The following SDHAF4 variants were observed in gnomAD, a reference collection of about 807,000 sequenced individuals.
SDHAF4 encodes succinate dehydrogenase complex assembly factor 4, also known as succinate dehydrogenase assembly factor 4, mitochondrial.
SDHAF4 carries 14 observed loss-of-function variants against 14.3 expected under a neutral mutation model. The observed-to-expected ratio is 0.98, with a 90% CI of 0.65 to 1.53. The LOEUF (loss-of-function observed/expected upper bound fraction) is 1.53, where lower values mean the gene tolerates loss of function less well. Among genes scored for constraint, SDHAF4 ranks in the 40% most tolerant of loss-of-function variants. SDHAF4 has a pLI of 0.00. For synonymous variants in SDHAF4, 63 were observed against 47.3 expected (o/e 1.33, Z -1.36); for missense variants, 141 against 129.3 (o/e 1.09, Z -0.44).
chr6:70,575,353 G>C (rs913904013), intron 1 of SDHAF4, among the ~76,000 whole-genome samples: 1 of 151,896 alleles, frequency 6.6e-6, no homozygotes, highest in Non-Finnish European at 1.5e-5. Context: ...ACTCCAGCCT[G>C]GGGGACAGAG....
chr6:70,578,151 C>A (rs1328972776), intron 1 of SDHAF4, among the ~76,000 whole-genome samples: 4 of 152,232 alleles, frequency 2.6e-5, no homozygotes, highest in Non-Finnish European at 4.4e-5. Flanking sequence ...AATCTCCAAA[C>A]TGTTTTCCAC....
At chr6:70,575,534 C>T (rs766738632) in intron 1 of SDHAF4, among the ~76,000 whole-genome samples, 1 of 149,034 alleles carries the variant, frequency 6.7e-6, no homozygotes, top group Non-Finnish European at 1.5e-5. Flanking sequence ...GTGTTCACCT[C>T]ACTGGACTGT....
rs1453458451 is a variant in SDHAF4, at chr6:70,579,411, T to C, written c.65-3T>C. ...TATTTTTCTATTATCTCCACTCTTCTAGGATCACCCCTTCTGTGTCATTCT... is the reference window on the plus strand; with the variant it reads ...TATTTTTCTATTATCTCCACTCTTCCAGGATCACCCCTTCTGTGTCATTCT... On this transcript the variant is annotated splice_polypyrimidine_tract_variant and splice_region_variant and intron_variant, in intron 1 of 2. Coordinates refer to ENST00000370474, the MANE Select transcript of SDHAF4 (RefSeq NM_145267.3). 29 of 1,577,896 alleles carry C rather than the reference T, an allele frequency of 1.8e-5. No individual in the cohort carries two copies. Among genetic ancestry groups the C allele is most frequent in the Non-Finnish European group, 2.5e-5 (29 of 1,162,606 alleles).
In SDHAF4 at chr6:70,574,329, G is replaced by GAAA. The variant is rs113017217; in HGVS notation, c.65-5075_65-5073dup. ...AGCAAGCCTCCATCTCAAAAAAAAA[G>GAAA]AAAAAAAAAAAAGATGCTTAGGGAT... On this transcript the variant is annotated intron_variant, in intron 1 of 2. Coordinates refer to ENST00000370474, the MANE Select transcript of SDHAF4 (RefSeq NM_145267.3). Among the ~76,000 whole-genome samples, 246 of 143,748 alleles carry GAAA rather than the reference G, an allele frequency of 1.7e-3. 1 individual carries two copies. Among genetic ancestry groups the GAAA allele is most frequent in the Non-Finnish European group, 3.2e-3 (208 of 64,796 alleles). The allele number at this position is 143,748 out of a possible 152,430, so 94.3% of individuals were successfully genotyped here. A position where few individuals can be genotyped will look rare whatever the true frequency, so the allele number is the denominator to read the frequency against.
At chr6:70,597,299 A>ATTTTTTT in the SDHAF4 span, among the ~76,000 whole-genome samples, 640 of 108,026 alleles carry the variant, frequency 5.9e-3, 13 homozygotes, top group Non-Finnish European at 7.4e-3. Flanking sequence ...CGCCTGGCTA[A>ATTTTTTT]TTTTTTTTTT....
At chr6:70,574,808 G>A (rs777511199) in intron 1 of SDHAF4, among the ~76,000 whole-genome samples, 3 of 152,032 alleles carry the variant, frequency 2.0e-5, no homozygotes, top group Non-Finnish European at 4.4e-5. Flanking sequence ...TGTGGCTGTA[G>A]TCCCAGCTGC....
downstream of SDHAF4, among the ~76,000 whole-genome samples, chr6:70,590,103 TG>T (rs1765245473): frequency 6.6e-6 from 1 of 152,130 alleles, no homozygotes; most frequent in Admixed American, 6.5e-5. Flanking sequence ...CTGGGCGTGG[TG>T]GTGCAGGCCT....
intron 2 of SDHAF4, among the ~76,000 whole-genome samples, chr6:70,581,014 C>T (rs1802314539): frequency 1.3e-5 from 2 of 152,098 alleles, no homozygotes; most frequent in African/African-American, 4.8e-5. Flanking sequence ...TCACTGCAAC[C>T]TCCGCCTCCC....
Position 70,588,755 on chromosome 6 carries a change from T to C in SDHAF4, c.*31T>C, listed in dbSNP as rs764858149. 1 of 1,233,324 alleles carries C rather than the reference T, an allele frequency of 8.1e-7. No homozygotes were observed. The highest frequency in any genetic ancestry group is 2.3e-5 in the East Asian group (1 of 42,902). The allele number at this position is 1,233,324 out of a possible 1,614,324, so 76.4% of individuals were successfully genotyped here. A position where few individuals can be genotyped will look rare whatever the true frequency, so the allele number is the denominator to read the frequency against. On this transcript the variant is annotated 3_prime_UTR_variant, in exon 3 of 3. Transcript: ENST00000370474. ...ATATTCTTTAACTTCAATATTGTTT[T>C]CTGAATATGTACATCTGAATTAACT...
chr6:70,597,439 G>A, the SDHAF4 span, among the ~76,000 whole-genome samples: 11 of 151,528 alleles, frequency 7.3e-5, no homozygotes, highest in Admixed American at 4.0e-4. Context: ...ATGAGGCACC[G>A]CATCAGGCCA....
the SDHAF4 span, chr6:70,596,627 T>A: frequency 6.6e-6 from 1 of 152,244 alleles, no homozygotes; most frequent in African/African-American, 2.4e-5. Flanking sequence ...GTAATCATAG[T>A]TTAAACACTT....
At chr6:70,587,972 T>A (rs1336571429) in intron 2 of SDHAF4, among the ~76,000 whole-genome samples, 1 of 152,240 alleles carries the variant, frequency 6.6e-6, no homozygotes, top group East Asian at 1.9e-4. Context: ...ACCCTTTACA[T>A]GTATTACCTT....
intron 2 of SDHAF4, among the ~76,000 whole-genome samples, chr6:70,581,260 A>G (rs758780811): frequency 3.3e-5 from 5 of 152,036 alleles, no homozygotes; most frequent in Non-Finnish European, 7.4e-5. Context: ...CAAATTGTAC[A>G]CTTACAAATG....
At position 70,569,728 on chromosome 6, in the gene SDHAF4, CAG is replaced by C. The variant is rs200734186; in HGVS notation, c.64+2726_64+2727del. The stretch of plus-strand genomic sequence containing the variant: ...TCAATATAAAAGGTATCTTAATAAA[CAG>C]ATGTTTATAATTTTATCTATAAAAT... On this transcript the variant is annotated intron_variant, in intron 1 of 2. Transcript: ENST00000370474. Among the ~76,000 whole-genome samples the C allele has an allele frequency of 4.6e-3, 708 of 152,266 alleles. 12 individuals carry two copies. Among genetic ancestry groups the C allele is most frequent in the East Asian group, 0.032 (168 of 5,178 alleles).
At chr6:70,581,765 G>A (rs1004465267) in intron 2 of SDHAF4, among the ~76,000 whole-genome samples, 2 of 152,038 alleles carry the variant, frequency 1.3e-5, no homozygotes, top group African/African-American at 4.8e-5. Flanking sequence ...ATACCACCAT[G>A]CTCACCTAAT....
At chr6:70,585,280 C>G (rs150898708) in intron 2 of SDHAF4, among the ~76,000 whole-genome samples, 232 of 152,316 alleles carry the variant, frequency 1.5e-3, no homozygotes, top group African/African-American at 5.1e-3. Flanking sequence ...TTTGTTAAAA[C>G]TCACTGAACT....
chr6:70,576,934 A>ACAGGTTTGGAGGT (rs1418573074), intron 1 of SDHAF4, among the ~76,000 whole-genome samples: 2 of 152,226 alleles, frequency 1.3e-5, no homozygotes, highest in Admixed American at 6.5e-5. Context: ...AACACATTTT[A>ACAGGTTTGGAGGT]CAGGTTTGGA....
At chr6:70,598,327 T>A in the SDHAF4 span, among the ~76,000 whole-genome samples, 1 of 152,094 alleles carries the variant, frequency 6.6e-6, no homozygotes, top group Non-Finnish European at 1.5e-5. Flanking sequence ...TGCAGTGAGC[T>A]GAGGTGGAGC....
At chr6:70,571,537 A>G (rs1802177942) in intron 1 of SDHAF4, among the ~76,000 whole-genome samples, 1 of 152,074 alleles carries the variant, frequency 6.6e-6, no homozygotes, top group Admixed American at 6.6e-5. Flanking sequence ...CTGATCTCAA[A>G]CTTCTGACCT....
Sources: allele counts gnomAD v4.1 joint callset (sites outside exome capture counted in the v4.1 genomes callset), GRCh38; gene constraint gnomAD v4.1.1; transcripts MANE v1.5; gene names NCBI Gene and HGNC (gene_info 2026-07-23, HGNC 2026-07-21).